The following POTEG variants were observed in gnomAD, a reference collection of about 807,000 sequenced individuals.
The protein encoded by POTEG is ANKRD26-like family C member 2.
POTEG carries 2 observed loss-of-function variants against 49.6 expected under a neutral mutation model. The observed-to-expected ratio is 0.04, with a 90% CI of 0.02 to 0.13. The LOEUF (loss-of-function observed/expected upper bound fraction) is 0.13. Ranked by LOEUF, POTEG falls within the 10% of genes least tolerant of loss-of-function variation. POTEG has a pLI of 1.00. For synonymous variants in POTEG, 7 were observed against 186.6 expected (o/e 0.04, Z 7.84); for missense variants, 26 against 545.2 (o/e 0.05, Z 9.48).
chr14:19,415,264 G>C (rs895682223), intron 7 of POTEG, among the ~76,000 whole-genome samples: 1 of 141,662 alleles, frequency 7.1e-6, no homozygotes, highest in African/African-American at 2.5e-5. Flanking sequence ...AATCTGTCCT[G>C]ATTTTCTGCA....
At chr14:19,424,496 A>AC (rs1883880429) in intron 4 of POTEG, 194 bp from the exon 5 acceptor site, 2 of 300,110 alleles carry the variant, frequency 6.7e-6, no homozygotes, top group South Asian at 6.8e-5. Flanking sequence ...CAAAAAAAAA[A>AC]CCCTCTTATC....
At chr14:19,426,567 CT>C (rs1334697940) in intron 3 of POTEG, among the ~76,000 whole-genome samples, 61 of 151,912 alleles carry the variant, frequency 4.0e-4, no homozygotes, top group African/African-American at 1.3e-3. Context: ...TATTGAAAGA[CT>C]GCTCACAGCA....
rs1358200366 is a variant in POTEG at position 19,432,414 on chromosome 14, G to GTA, written c.521+1353_521+1354dup. The stretch of plus-strand genomic sequence containing the variant: ...TATATATATATATATACACACACAT[G>GTA]TATATATATGTATATACGTATATAT... On this transcript the variant is annotated intron_variant, in intron 1 of 10. Coordinates refer to ENST00000547848, the MANE Select transcript of POTEG (RefSeq NM_001005356.3). Among the ~76,000 whole-genome samples the GTA allele has an allele frequency of 1.4e-3, 41 of 30,152 alleles. 1 individual carries two copies. Among genetic ancestry groups the GTA allele is most frequent in the African/African-American group, 5.6e-3 (38 of 6,840 alleles). 19.8% of individuals were successfully genotyped at this position (30,152 alleles called of 152,430 possible).
intron 1 of POTEG, among the ~76,000 whole-genome samples, chr14:19,432,084 C>T (rs1314977008): frequency 2.8e-5 from 1 of 36,156 alleles, no homozygotes; most frequent in African/African-American, 1.2e-4. Flanking sequence ...CATGGTGGCT[C>T]ACGCCTGTAA....
chr14:19,415,829 A>ATTTTTTTTTTTTTTTTTTTTT (rs58833974), intron 7 of POTEG, among the ~76,000 whole-genome samples: 1 of 96,700 alleles, frequency 1.0e-5, no homozygotes, highest in Non-Finnish European at 2.0e-5. Flanking sequence ...ATCTATTAAA[A>ATTTTTTTTTTTTTTTTTTTTT]TTTTTTTTTT....
intron 1 of POTEG, among the ~76,000 whole-genome samples, chr14:19,432,379 T>C (rs1206306535): frequency 3.2e-5 from 2 of 62,230 alleles, no homozygotes; most frequent in Admixed American, 1.8e-4. Flanking sequence ...TATATATATA[T>C]ATATATATAT....
At position 19,432,368 on chromosome 14, in the gene POTEG, A is replaced by ATG. The variant is rs1566383141; in HGVS notation, c.521+1400_521+1401insCA. 8.5e-5 allele frequency among the ~76,000 whole-genome samples: 3 copies of ATG among 35,336 alleles called. 1 individual carries two copies. Among genetic ancestry groups the ATG allele is most frequent in the African/African-American group, 2.0e-4 (2 of 9,820 alleles). The allele number at this position is 35,336 out of a possible 152,430, so 23.2% of individuals were successfully genotyped here. On this transcript the variant is annotated intron_variant, in intron 1 of 10. Coordinates refer to ENST00000547848, the MANE Select transcript of POTEG (RefSeq NM_001005356.3). ...ATCAAAAAAAAAAAAGAAATTTTGT[A>ATG]TATATATATATATATATATATATAT...
intron 1 of POTEG, among the ~76,000 whole-genome samples, chr14:19,432,403 T>TATACACACAC (rs1330765784): frequency 2.2e-5 from 1 of 44,726 alleles, no homozygotes; most frequent in East Asian, 5.6e-4. Context: ...TATATATATA[T>TATACACACAC]ACACACACAT....
At chr14:19,432,387 T>A (rs1194446654) in intron 1 of POTEG, among the ~76,000 whole-genome samples, 1 of 86,038 alleles carries the variant, frequency 1.2e-5, no homozygotes, top group African/African-American at 4.4e-5. Flanking sequence ...TATATATATA[T>A]ATATATATAT....
intron 7 of POTEG, among the ~76,000 whole-genome samples, 160 bp downstream of exon 7, chr14:19,416,128 G>T (rs1268425581): frequency 6.9e-6 from 1 of 145,386 alleles, no homozygotes; most frequent in Non-Finnish European, 1.5e-5. Context: ...ACAGGCATGA[G>T]CCACCCCCCC....
chr14:19,414,395 C>T (rs1307243658), intron 8 of POTEG, among the ~76,000 whole-genome samples, 167 bp downstream of exon 8: 8 of 146,750 alleles, frequency 5.5e-5, no homozygotes, highest in Non-Finnish European at 1.2e-4. Flanking sequence ...GGGTTTGCAT[C>T]TCTTTAAAAT....
chr14:19,414,884 CT>C (rs2139154858), intron 7 of POTEG, among the ~76,000 whole-genome samples: 1 of 129,028 alleles, frequency 7.8e-6, no homozygotes, highest in Non-Finnish European at 1.8e-5. Context: ...AACCAGCAAA[CT>C]TAACTTGGTC....
At chr14:19,420,389 C>T (rs1329949590) in intron 6 of POTEG, among the ~76,000 whole-genome samples, 3 of 147,030 alleles carry the variant, frequency 2.0e-5, no homozygotes, top group Non-Finnish European at 4.5e-5. Flanking sequence ...ATAACAAGCT[C>T]CTGTCTCTAC....
At chr14:19,415,727 G>C (rs1244781940) in intron 7 of POTEG, among the ~76,000 whole-genome samples, 1 of 151,886 alleles carries the variant, frequency 6.6e-6, no homozygotes, top group African/African-American at 2.4e-5. Context: ...TTCATAGTGG[G>C]TTATGTTGAA....
intron 7 of POTEG, 22 bp from the exon 8 acceptor site, chr14:19,414,628 G>T (rs1411099583): frequency 6.3e-7 from 1 of 1,586,248 alleles, no homozygotes; most frequent in African/African-American, 1.4e-5. Flanking sequence ...AAAACAGAAG[G>T]TTAATTTGCT....
In POTEG at chr14:19,434,061, T is replaced by C; in HGVS notation, c.229A>G (p.Lys77Glu). 1 of 1,260,122 alleles carries C rather than the reference T, an allele frequency of 7.9e-7. No individual in the cohort carries two copies. The highest frequency in any genetic ancestry group is 1.1e-6 in the Non-Finnish European group (1 of 930,770). 78.1% of individuals were successfully genotyped at this position (1,260,122 alleles called of 1,614,324 possible). A position where few individuals can be genotyped will look rare whatever the true frequency, so the allele number is the denominator to read the frequency against. The change falls in exon 1 of 11, where the codon AAG (lysine) becomes GAG (glutamate). Residue 77 changes from lysine (K) to glutamate (E), a missense_variant. Physicochemically the swap from Lys to Glu is moderately conservative, Grantham distance 56. Coordinates refer to ENST00000547848, the MANE Select transcript of POTEG (RefSeq NM_001005356.3). ...HCFPWCRGSS[K>E]SNVGTSGDHD... Reference sequence around the variant, plus strand: ...TCTCCAGAAGTGCCCACGTTGCTCTTGCTGCTCCCCCTGCACCAGGGGAAG... The same window carrying C: ...TCTCCAGAAGTGCCCACGTTGCTCTCGCTGCTCCCCCTGCACCAGGGGAAG...
intron 3 of POTEG, chr14:19,426,852 A>C: frequency 2.4e-6 from 1 of 416,612 alleles, no homozygotes; most frequent in Non-Finnish European, 4.6e-6. Flanking sequence ...AAAAATAAAA[A>C]TAAAAATAAA....
At chr14:19,413,892 A>C (rs866185542) in intron 8 of POTEG, among the ~76,000 whole-genome samples, 5,029 of 15,836 alleles carry the variant, frequency 0.32, 9 homozygotes, top group East Asian at 0.41. Flanking sequence ...GACAAAGATG[A>C]AAAATGTGTC....
At chr14:19,415,828 AATTTTTTTTTTTTTTTTTTTTTT>A (rs751786835) in intron 7 of POTEG, among the ~76,000 whole-genome samples, 332 of 132,518 alleles carry the variant, frequency 2.5e-3, no homozygotes, top group Non-Finnish European at 4.1e-3. Flanking sequence ...AATCTATTAA[AATTTTTTTTTTTTTTTTTTTTTT>A]TTTTTTTTTT....
Sources: allele counts gnomAD v4.1 joint callset (sites outside exome capture counted in the v4.1 genomes callset), GRCh38; gene constraint gnomAD v4.1.1; transcripts MANE v1.5; gene names NCBI Gene and HGNC (gene_info 2026-07-23, HGNC 2026-07-21).